Variants in SLC24A2 observed in about 807,000 individuals in gnomAD.
The protein encoded by SLC24A2 is solute carrier family 24 member 2.
SLC24A2 carries 36 observed loss-of-function variants against 62.0 expected under a neutral mutation model. The ratio of observed to expected loss-of-function variants is 0.58; its 90% CI spans 0.44 to 0.77. The LOEUF (loss-of-function observed/expected upper bound fraction) is 0.77. Among genes scored for constraint, SLC24A2 ranks in the 30% least tolerant of loss-of-function variants. SLC24A2 has a pLI of 0.00. For missense variants in SLC24A2, 846 were observed against 817.9 expected (o/e 1.03, Z -0.42); for synonymous variants, 358 against 294.0 (o/e 1.22, Z -2.23).
the SLC24A2 span, among the ~76,000 whole-genome samples, chr9:19,828,389 C>G: frequency 2.0e-5 from 3 of 152,128 alleles, no homozygotes; most frequent in African/African-American, 7.2e-5. Flanking sequence ...CAAAACATCA[C>G]ATGCACCCCA....
chr9:19,794,145 T>G, the SLC24A2 span, among the ~76,000 whole-genome samples: 2 of 152,224 alleles, frequency 1.3e-5, no homozygotes, highest in African/African-American at 4.8e-5. Context: ...AACCCCTACA[T>G]GATTGCTCTT....
chr9:19,909,085 A>C, the SLC24A2 span, among the ~76,000 whole-genome samples: 29 of 152,242 alleles, frequency 1.9e-4, no homozygotes, highest in African/African-American at 5.1e-4. Flanking sequence ...ACTAACCCAA[A>C]TGTCCAACAA....
the SLC24A2 span, among the ~76,000 whole-genome samples, chr9:19,849,739 G>A: frequency 6.6e-6 from 1 of 152,120 alleles, no homozygotes; most frequent in African/African-American, 2.4e-5. Context: ...GTCCTTCTAA[G>A]TCTGGAATGT....
At chr9:19,806,179 A>C in the SLC24A2 span, among the ~76,000 whole-genome samples, 4 of 152,312 alleles carry the variant, frequency 2.6e-5, no homozygotes, top group South Asian at 8.3e-4. Context: ...TTAAAGCTAT[A>C]AGGGGTAGAG....
chr9:19,794,120 A>G, the SLC24A2 span, among the ~76,000 whole-genome samples: 1 of 152,230 alleles, frequency 6.6e-6, no homozygotes, highest in African/African-American at 2.4e-5. Context: ...GATTTCTGCA[A>G]CAGCACTTAA....
At chr9:20,059,198 G>A in the SLC24A2 span, among the ~76,000 whole-genome samples, 7 of 152,166 alleles carry the variant, frequency 4.6e-5, no homozygotes, top group East Asian at 1.9e-4. Context: ...CCAGCTTGGC[G>A]AGTGTATTCA....
At chr9:19,527,941 C>T in intron 9 of SLC24A2, 108 bp downstream of exon 9, 1 of 747,156 alleles carries the variant, frequency 1.3e-6, no homozygotes, top group South Asian at 1.5e-5. Context: ...GTCTGTGTCA[C>T]ACCCAATACT....
chr9:20,067,077 A>G, the SLC24A2 span, among the ~76,000 whole-genome samples: 8 of 152,314 alleles, frequency 5.3e-5, 1 homozygote, highest in South Asian at 1.0e-3. Context: ...TATTTTTTAT[A>G]TATCAAAGGT....
the SLC24A2 span, among the ~76,000 whole-genome samples, chr9:20,222,784 A>T: frequency 6.6e-6 from 1 of 152,094 alleles, no homozygotes; most frequent in Non-Finnish European, 1.5e-5. Context: ...CAAGATTTTT[A>T]AAAAATCGCT....
the SLC24A2 span, among the ~76,000 whole-genome samples, chr9:20,288,598 A>C: frequency 6.6e-6 from 1 of 152,128 alleles, no homozygotes; most frequent in African/African-American, 2.4e-5. Flanking sequence ...GCGAAAACCT[A>C]TCTCTACTAA....
At chr9:20,009,541 C>T in the SLC24A2 span, among the ~76,000 whole-genome samples, 2 of 152,112 alleles carry the variant, frequency 1.3e-5, no homozygotes, top group Non-Finnish European at 1.5e-5. Context: ...ACATGGTCCA[C>T]AGGTCCTTTA....
intron 2 of SLC24A2, among the ~76,000 whole-genome samples, chr9:19,666,511 C>T (rs754359727): frequency 2.6e-5 from 4 of 152,092 alleles, no homozygotes; most frequent in Non-Finnish European, 5.9e-5. Flanking sequence ...CACTAAGGAT[C>T]GGTGCAAGCT....
chr9:19,764,645 G>A (rs1281562722), intron 2 of SLC24A2, among the ~76,000 whole-genome samples: 1 of 152,218 alleles, frequency 6.6e-6, no homozygotes, highest in Non-Finnish European at 1.5e-5. Flanking sequence ...GTTCTATTTT[G>A]ATTGCACTGT....
intron 2 of SLC24A2, among the ~76,000 whole-genome samples, chr9:19,701,955 G>GA (rs994383729): frequency 6.1e-4 from 93 of 152,206 alleles, no homozygotes; most frequent in African/African-American, 2.1e-3. Context: ...ACCGTGGATG[G>GA]AAAACGATAA....
intron 2 of SLC24A2, among the ~76,000 whole-genome samples, chr9:19,630,599 A>G (rs932961206): frequency 6.6e-6 from 1 of 152,070 alleles, no homozygotes; most frequent in Non-Finnish European, 1.5e-5. Context: ...CCACGTTTTA[A>G]CTTCCGATCT....
intron 2 of SLC24A2, among the ~76,000 whole-genome samples, chr9:19,754,432 A>G (rs902266369): frequency 6.6e-6 from 1 of 152,204 alleles, no homozygotes; most frequent in Non-Finnish European, 1.5e-5. Flanking sequence ...TTCTTCAATG[A>G]CAGCGGGACT....
chr9:19,693,393 G>C (rs545288019), intron 2 of SLC24A2, among the ~76,000 whole-genome samples: 19 of 152,058 alleles, frequency 1.2e-4, no homozygotes, highest in Non-Finnish European at 1.6e-4. Context: ...TCCATGGTAG[G>C]TGCACCATGA....
chr9:19,641,347 T>C (rs1418129361), intron 2 of SLC24A2, among the ~76,000 whole-genome samples: 4 of 152,208 alleles, frequency 2.6e-5, no homozygotes, highest in South Asian at 2.1e-4. Flanking sequence ...CCAATTCCAA[T>C]TGCCAACTCA....
the SLC24A2 span, among the ~76,000 whole-genome samples, chr9:19,965,109 T>C: frequency 6.6e-6 from 1 of 151,620 alleles, no homozygotes; most frequent in Admixed American, 6.6e-5. Context: ...AGAAAGAGCG[T>C]TGGAGGCAGA....
Sources: allele counts gnomAD v4.1 joint callset (sites outside exome capture counted in the v4.1 genomes callset), GRCh38; gene constraint gnomAD v4.1.1; transcripts MANE v1.5; gene names NCBI Gene and HGNC (gene_info 2026-07-23, HGNC 2026-07-21).